Variants in ROBO2 observed in about 807,000 individuals in gnomAD.
ROBO2 encodes the protein roundabout guidance receptor 2, also known as roundabout homolog 2.
In ROBO2, 53 loss-of-function variants were observed where a neutral mutation model predicts 160.8. The ratio of observed to expected loss-of-function variants is 0.33; its 90% CI spans 0.26 to 0.41. The LOEUF (loss-of-function observed/expected upper bound fraction) is 0.41, where lower values mean the gene tolerates loss of function less well. ROBO2 is among the 10% of genes least tolerant of loss of function. The pLI is 1.00. For synonymous variants in ROBO2, 664 were observed against 611.7 expected (o/e 1.09, Z -1.26); for missense variants, 1,577 against 1,722.4 (o/e 0.92, Z 1.49).
chr3:76,258,576 T>G (rs1163838721), intron 2 of ROBO2, among the ~76,000 whole-genome samples: 3 of 152,020 alleles, frequency 2.0e-5, no homozygotes, highest in Non-Finnish European at 4.4e-5. Context: ...CATAATGTTA[T>G]TTGTAAATAT....
intron 2 of ROBO2, among the ~76,000 whole-genome samples, chr3:76,892,657 A>G (rs2074439557): frequency 1.3e-5 from 2 of 152,232 alleles, no homozygotes; most frequent in South Asian, 4.1e-4. Flanking sequence ...CAAAAATACA[A>G]CTCTGGTTAA....
At chr3:77,129,565 G>A (rs970219566) in intron 2 of ROBO2, among the ~76,000 whole-genome samples, 1 of 152,176 alleles carries the variant, frequency 6.6e-6, no homozygotes, top group Non-Finnish European at 1.5e-5. Context: ...GTCGGTTGGC[G>A]AGAGGACAGG....
At chr3:76,129,633 T>A (rs553365203) in intron 2 of ROBO2, among the ~76,000 whole-genome samples, 2 of 152,266 alleles carry the variant, frequency 1.3e-5, no homozygotes, top group African/African-American at 4.8e-5. Flanking sequence ...GTGACTCTTC[T>A]AAGTTATGTA....
intron 21 of ROBO2, among the ~76,000 whole-genome samples, chr3:77,611,062 G>A (rs2094627650): frequency 6.6e-6 from 1 of 152,028 alleles, no homozygotes; most frequent in Non-Finnish European, 1.5e-5. Context: ...ACTTTGGGAG[G>A]CCAAGGTGGG....
chr3:77,125,094 G>A (rs2075187377), intron 2 of ROBO2, among the ~76,000 whole-genome samples: 1 of 152,128 alleles, frequency 6.6e-6, no homozygotes, highest in South Asian at 2.1e-4. Flanking sequence ...ATAATGGCAT[G>A]TCCCTACTTT....
intron 2 of ROBO2, among the ~76,000 whole-genome samples, chr3:76,733,427 A>C (rs1423692328): frequency 6.6e-6 from 1 of 152,222 alleles, no homozygotes; most frequent in East Asian, 1.9e-4. Context: ...TCCCAGGCCA[A>C]TTCACTAAAA....
At chr3:77,596,017 C>T (rs2094294749) in intron 18 of ROBO2, among the ~76,000 whole-genome samples, 1 of 152,110 alleles carries the variant, frequency 6.6e-6, no homozygotes, top group South Asian at 2.1e-4. Context: ...ATAGACTATA[C>T]TCACATGCTG....
At chr3:76,215,854 A>G (rs1703485008) in intron 2 of ROBO2, among the ~76,000 whole-genome samples, 1 of 152,172 alleles carries the variant, frequency 6.6e-6, no homozygotes, top group African/African-American at 2.4e-5. Context: ...AAGACACATA[A>G]CTGGCAGATT....
intron 2 of ROBO2, among the ~76,000 whole-genome samples, chr3:76,007,649 G>A (rs2066061914): frequency 6.6e-6 from 1 of 152,102 alleles, no homozygotes; most frequent in South Asian, 2.1e-4. Context: ...TGGAAATTAT[G>A]ACAAGTGTCT....
intron 2 of ROBO2, among the ~76,000 whole-genome samples, chr3:76,206,961 A>AT (rs1271895422): frequency 2.0e-5 from 3 of 152,074 alleles, no homozygotes; most frequent in Non-Finnish European, 2.9e-5. Context: ...AAGATTATGC[A>AT]TTTTTTTCAT....
At chr3:77,127,457 A>C (rs2075445239) in intron 2 of ROBO2, among the ~76,000 whole-genome samples, 1 of 152,090 alleles carries the variant, frequency 6.6e-6, no homozygotes, top group African/African-American at 2.4e-5. Context: ...ATTATAGATT[A>C]TTTTTCACCA....
At chr3:77,634,898 T>C (rs751940426) in exon 24 of ROBO2, 3 of 1,614,072 alleles carry the variant, frequency 1.9e-6, no homozygotes, top group Non-Finnish European at 1.7e-6. Context: ...CTCAAAGACC[T>C]CGACCTACCA....
At chr3:76,131,931 G>A (rs768192177) in intron 2 of ROBO2, among the ~76,000 whole-genome samples, 2 of 151,932 alleles carry the variant, frequency 1.3e-5, no homozygotes, top group African/African-American at 4.8e-5. Flanking sequence ...ATTAAATCAC[G>A]GTGACACGTA....
At chr3:76,231,303 G>T (rs556919532) in intron 2 of ROBO2, among the ~76,000 whole-genome samples, 2 of 152,108 alleles carry the variant, frequency 1.3e-5, no homozygotes, top group Non-Finnish European at 1.5e-5. Context: ...ACCTTCTGCT[G>T]CTTTATGTAC....
chr3:77,076,509 ATT>A (rs61597387), intron 1 of ROBO2, among the ~76,000 whole-genome samples: 97 of 151,844 alleles, frequency 6.4e-4, no homozygotes, highest in Non-Finnish European at 2.5e-4. Flanking sequence ...AGGAAAATAA[ATT>A]TTTTTTCTGT....
At chr3:77,579,365 G>A (rs986267076) in intron 15 of ROBO2, among the ~76,000 whole-genome samples, 1 of 152,034 alleles carries the variant, frequency 6.6e-6, no homozygotes, top group Non-Finnish European at 1.5e-5. Context: ...TGCTGTCAAC[G>A]TAAATATTGG....
At chr3:77,370,347 G>A (rs142270978) in intron 2 of ROBO2, among the ~76,000 whole-genome samples, 3 of 152,266 alleles carry the variant, frequency 2.0e-5, no homozygotes, top group African/African-American at 4.8e-5. Flanking sequence ...CCTTAGTAGC[G>A]TAAATGAACC....
chr3:77,619,119 C>T (rs2094845636), intron 22 of ROBO2, among the ~76,000 whole-genome samples: 1 of 152,156 alleles, frequency 6.6e-6, no homozygotes. Flanking sequence ...CATGGGACAG[C>T]CAAGGTTGGG....
chr3:75,937,977 T>C (rs954990628), intron 2 of ROBO2, among the ~76,000 whole-genome samples: 39 of 150,788 alleles, frequency 2.6e-4, no homozygotes, highest in South Asian at 2.1e-3. Flanking sequence ...GCATATAAAG[T>C]TTTTGTGATT....
Sources: gnomAD v4.1 joint callset for allele counts (sites outside exome capture counted in the v4.1 genomes callset) on GRCh38, gnomAD v4.1.1 for gene constraint, MANE v1.5 for transcripts, NCBI Gene and HGNC (gene_info 2026-07-23, HGNC 2026-07-21) for gene names.